Variants in CDC42SE2 observed in about 807,000 individuals in gnomAD.
CDC42SE2 encodes CDC42 small effector 2.
CDC42SE2 carries 3 observed loss-of-function variants against 11.5 expected under a neutral mutation model. The observed-to-expected ratio is 0.26, with a 90% confidence interval of 0.12 to 0.67. The LOEUF (loss-of-function observed/expected upper bound fraction) is 0.67. CDC42SE2 is among the 30% of genes least tolerant of loss of function. The pLI is 0.80. For missense variants in CDC42SE2, 82 were observed against 106.8 expected (o/e 0.77, Z 1.02); for synonymous variants, 33 against 34.8 (o/e 0.95, Z 0.18).
At chr5:131,341,649 C>G (rs1758714427) in intron 2 of CDC42SE2, among the ~76,000 whole-genome samples, 1 of 152,082 alleles carries the variant, frequency 6.6e-6, no homozygotes, top group Non-Finnish European at 1.5e-5. Context: ...ATATTTGAAT[C>G]AGTACATCTA....
chr5:131,240,370 G>A, the CDC42SE2 span, among the ~76,000 whole-genome samples: 20 of 152,118 alleles, frequency 1.3e-4, no homozygotes, highest in African/African-American at 4.3e-4. Flanking sequence ...CTGTCCATTT[G>A]TTTTAGAACC....
intron 1 of CDC42SE2, among the ~76,000 whole-genome samples, chr5:131,267,232 T>C (rs568622927): frequency 9.1e-4 from 138 of 152,082 alleles, no homozygotes; most frequent in African/African-American, 3.3e-3. Context: ...TTTTTGTATT[T>C]TTAGTAGAGA....
chr5:131,260,880 G>A (rs1241686126), upstream of CDC42SE2, among the ~76,000 whole-genome samples: 1 of 152,222 alleles, frequency 6.6e-6, no homozygotes, highest in Non-Finnish European at 1.5e-5. Context: ...GTTGCAGTGA[G>A]CCAAGATAGT....
At chr5:131,267,271 A>G (rs1321452781) in intron 1 of CDC42SE2, among the ~76,000 whole-genome samples, 1 of 151,654 alleles carries the variant, frequency 6.6e-6, no homozygotes, top group African/African-American at 2.4e-5. Flanking sequence ...GCCATCCATG[A>G]TGGTCTCGGT....
intron 1 of CDC42SE2, among the ~76,000 whole-genome samples, chr5:131,291,482 TTTAG>T (rs1234661405): frequency 1.3e-5 from 2 of 152,216 alleles, no homozygotes; most frequent in East Asian, 1.9e-4. Flanking sequence ...CTTTATTTTG[TTTAG>T]TTACTCTTTT....
intron 3 of CDC42SE2, among the ~76,000 whole-genome samples, chr5:131,366,456 G>C (rs1749860294): frequency 6.6e-6 from 1 of 152,128 alleles, no homozygotes; most frequent in South Asian, 2.1e-4. Context: ...AAATTATAAT[G>C]CTTTTATAAG....
chr5:131,368,930 G>T (rs901930478), intron 3 of CDC42SE2, among the ~76,000 whole-genome samples: 8 of 152,138 alleles, frequency 5.3e-5, no homozygotes, highest in African/African-American at 1.9e-4. Flanking sequence ...TAAATGTACA[G>T]TATAAAAGTT....
intron 2 of CDC42SE2, among the ~76,000 whole-genome samples, chr5:131,327,292 C>T (rs571801391): frequency 1.3e-5 from 2 of 152,210 alleles, no homozygotes; most frequent in East Asian, 1.9e-4. Context: ...CATTCTCATA[C>T]GTTCTTTTAA....
intron 2 of CDC42SE2, among the ~76,000 whole-genome samples, chr5:131,339,174 G>A (rs1758647955): frequency 6.7e-6 from 1 of 149,326 alleles, no homozygotes; most frequent in Admixed American, 6.7e-5. Context: ...CCTGAACCCA[G>A]GAGGTGGAGG....
chr5:131,339,821 AAAG>A (rs1758668488), intron 2 of CDC42SE2, among the ~76,000 whole-genome samples: 1 of 150,404 alleles, frequency 6.6e-6, no homozygotes, highest in African/African-American at 2.5e-5. Context: ...AAAAAAAAAA[AAAG>A]AGAGAGAAAA....
intron 2 of CDC42SE2, among the ~76,000 whole-genome samples, chr5:131,331,700 A>T (rs756726616): frequency 1.3e-5 from 2 of 152,144 alleles, no homozygotes; most frequent in South Asian, 4.1e-4. Flanking sequence ...AGAATACTGA[A>T]TCTCTTATTT....
the CDC42SE2 span, among the ~76,000 whole-genome samples, chr5:131,221,520 CA>C: frequency 3.5e-3 from 503 of 145,790 alleles, 5 homozygotes; most frequent in African/African-American, 0.012. Context: ...TACAAAATAC[CA>C]AAAAAAAAGT....
chr5:131,366,332 G>T (rs911547404), intron 3 of CDC42SE2, among the ~76,000 whole-genome samples: 7 of 152,224 alleles, frequency 4.6e-5, no homozygotes, highest in African/African-American at 1.4e-4. Flanking sequence ...CAGTACTGTT[G>T]TCTGTGCCCT....
At position 131,316,074 on chromosome 5, in the gene CDC42SE2, A is replaced by G. The variant is rs531000924; in HGVS notation, c.-356A>G. On this transcript the variant is annotated 5_prime_UTR_variant, in exon 2 of 5. Transcript: ENST00000505065. ...AACTACTGACAGTGAATCTGCGGTC[A>G]TCTGTATGCATAATATGGAATGTTC... 9 of 152,498 alleles carry G rather than the reference A, an allele frequency of 5.9e-5. No individual in the cohort carries two copies. The highest frequency in any genetic ancestry group is 1.9e-4 in the African/African-American group (8 of 41,582). 9.4% of individuals were successfully genotyped at this position (152,498 alleles called of 1,614,324 possible).
intron 2 of CDC42SE2, among the ~76,000 whole-genome samples, chr5:131,331,539 T>C (rs926322045): frequency 6.6e-6 from 1 of 152,182 alleles, no homozygotes; most frequent in African/African-American, 2.4e-5. Flanking sequence ...ATTATATTTG[T>C]CAAAGTATAT....
chr5:131,225,688 G>A, the CDC42SE2 span, among the ~76,000 whole-genome samples: 1 of 152,086 alleles, frequency 6.6e-6, no homozygotes, highest in African/African-American at 2.4e-5. Flanking sequence ...TGAAGAACCT[G>A]GAAGAGTGAC....
chr5:131,236,216 G>A, the CDC42SE2 span, among the ~76,000 whole-genome samples: 1 of 152,016 alleles, frequency 6.6e-6, no homozygotes, highest in African/African-American at 2.4e-5. Context: ...ATAATTTGAT[G>A]TGTAATAAGT....
upstream of CDC42SE2, among the ~76,000 whole-genome samples, chr5:131,263,223 T>TATGG (rs1756769713): frequency 6.6e-6 from 1 of 151,940 alleles, no homozygotes; most frequent in Admixed American, 6.6e-5. Flanking sequence ...TGAGAGGAGT[T>TATGG]ATGGATGATA....
At chr5:131,330,529 T>G (rs925222230) in intron 2 of CDC42SE2, among the ~76,000 whole-genome samples, 1 of 152,308 alleles carries the variant, frequency 6.6e-6, no homozygotes, top group East Asian at 1.9e-4. Flanking sequence ...TTCACTTTTA[T>G]AATAATATTT....
Sources: gnomAD v4.1 joint callset for allele counts (sites outside exome capture counted in the v4.1 genomes callset) on GRCh38, gnomAD v4.1.1 for gene constraint, MANE v1.5 for transcripts, NCBI Gene and HGNC (gene_info 2026-07-23, HGNC 2026-07-21) for gene names.